The following BBS9 variants were observed in gnomAD, a reference collection of about 807,000 sequenced individuals.
The protein encoded by BBS9 is protein PTHB1.
BBS9 carries 89 observed loss-of-function variants against 117.7 expected under a neutral mutation model. The observed-to-expected ratio is 0.76, with a 90% CI of 0.64 to 0.90. BBS9 has a LOEUF of 0.90. BBS9 is among the 40% of genes least tolerant of loss of function. The pLI is 0.00. For missense variants in BBS9, 982 were observed against 1,042.2 expected (o/e 0.94, Z 0.80); for synonymous variants, 379 against 370.9 (o/e 1.02, Z -0.25).
At chr7:33,234,581 G>A (rs1793119555) in intron 5 of BBS9, among the ~76,000 whole-genome samples, 1 of 151,828 alleles carries the variant, frequency 6.6e-6, no homozygotes, top group Non-Finnish European at 1.5e-5. Flanking sequence ...ATCTTCAGAA[G>A]CTATTCATCT....
chr7:33,468,018 A>G (rs182728568), intron 19 of BBS9, among the ~76,000 whole-genome samples: 8 of 152,164 alleles, frequency 5.3e-5, no homozygotes, highest in African/African-American at 1.9e-4. Flanking sequence ...CCAGCCTGCC[A>G]TGTGCTCTGT....
At position 33,360,700 on chromosome 7, in the gene BBS9, T is replaced by C. The variant is rs113977030; in HGVS notation, c.1693+2705T>C. Among the ~76,000 whole-genome samples, 68 of 151,704 alleles carry C rather than the reference T, an allele frequency of 4.5e-4. 3 individuals are homozygous for C. The highest frequency in any genetic ancestry group is 1.6e-3 in the African/African-American group (65 of 41,096). ...CATGCCTAGCTAATTAAAAAAAAATTATTTTGTAGAGATAGGGTCCCACTG... is the reference window on the plus strand; with the variant it reads ...CATGCCTAGCTAATTAAAAAAAAATCATTTTGTAGAGATAGGGTCCCACTG... On this transcript the variant is annotated intron_variant, in intron 16 of 22. Coordinates refer to ENST00000242067, the MANE Select transcript of BBS9 (RefSeq NM_198428.3).
At chr7:33,583,733 C>T (rs780456345) in intron 21 of BBS9, among the ~76,000 whole-genome samples, 1 of 152,034 alleles carries the variant, frequency 6.6e-6, no homozygotes, top group African/African-American at 2.4e-5. Context: ...CCAAATGCTA[C>T]GAACATGGTT....
At chr7:33,266,746 T>C (rs966400389) in intron 7 of BBS9, among the ~76,000 whole-genome samples, 1 of 152,032 alleles carries the variant, frequency 6.6e-6, no homozygotes, top group South Asian at 2.1e-4. Context: ...TATATTTATT[T>C]ATTTATTTAT....
chr7:33,342,390 C>CT (rs571499672), intron 11 of BBS9, among the ~76,000 whole-genome samples: 83 of 152,000 alleles, frequency 5.5e-4, no homozygotes, highest in Non-Finnish European at 8.8e-4. Flanking sequence ...GTGGAAATGA[C>CT]TTTTTTTTCC....
At position 33,264,216 on chromosome 7, in the gene BBS9, C is replaced by T. The variant is rs565908536; in HGVS notation, c.618-74C>T. The T allele has an allele frequency of 1.3e-3, 988 of 785,618 alleles. 2 individuals are homozygous for T. Among genetic ancestry groups the T allele is most frequent in the Non-Finnish European group, 1.5e-3 (823 of 544,942 alleles). 48.7% of individuals were successfully genotyped at this position (785,618 alleles called of 1,614,324 possible). Reference sequence around the variant, plus strand: ...TATAAAGTTTATAGATTATTGTGTACTTTTAAAGTTTAAAATAATTTATAA... The same window carrying T: ...TATAAAGTTTATAGATTATTGTGTATTTTTAAAGTTTAAAATAATTTATAA... On this transcript the variant is annotated intron_variant, in intron 6 of 22. Transcript: ENST00000242067.
chr7:33,289,818 C>T (rs1803644725), intron 9 of BBS9, among the ~76,000 whole-genome samples: 1 of 152,060 alleles, frequency 6.6e-6, no homozygotes, highest in South Asian at 2.1e-4. Flanking sequence ...CCAAGGTGGG[C>T]AGATCACTAG....
rs781174906 is a variant in BBS9, at chr7:33,257,238, C to T, written c.445C>T (p.Arg149Ter). The T allele has an allele frequency of 5.6e-6, 9 of 1,604,708 alleles. No individual in the cohort carries two copies. Among genetic ancestry groups the T allele is most frequent in the Non-Finnish European group, 7.7e-6 (9 of 1,173,074 alleles). Residue 149 changes from arginine to a stop codon, truncating the protein, a stop_gained and splice_region_variant, in exon 6 of 23, where the codon CGA becomes TGA. Coordinates refer to ENST00000242067, the MANE Select transcript of BBS9 (RefSeq NM_198428.3). LOFTEE classifies it high-confidence loss of function. ...AATTTTCTCTAATTCTTCTTTAGGTCGAGATTTAATTTGCATCCAGTCTAT... is the reference window on the plus strand; with the variant it reads ...AATTTTCTCTAATTCTTCTTTAGGTTGAGATTTAATTTGCATCCAGTCTAT... The part of the protein sequence containing the change: ...TYGSFGGVKG[R>*]DLICIQSMDG...
At chr7:33,200,772 T>G (rs1785710125) in intron 5 of BBS9, among the ~76,000 whole-genome samples, 1 of 152,184 alleles carries the variant, frequency 6.6e-6, no homozygotes, top group African/African-American at 2.4e-5. Context: ...CTCTTTTGTT[T>G]TTCTTGGGCT....
chr7:33,586,472 T>C (rs1860913093), intron 21 of BBS9, among the ~76,000 whole-genome samples: 1 of 152,066 alleles, frequency 6.6e-6, no homozygotes, highest in African/African-American at 2.4e-5. Context: ...TCAGCCACTA[T>C]AAAGAGCAGT....
chr7:33,403,746 T>G (rs886191046), intron 19 of BBS9, among the ~76,000 whole-genome samples: 1 of 152,128 alleles, frequency 6.6e-6, no homozygotes, highest in Non-Finnish European at 1.5e-5. Context: ...TCCAAGTCTT[T>G]GCTATTGTGA....
chr7:33,415,977 G>T (rs533677857), intron 19 of BBS9, among the ~76,000 whole-genome samples: 1 of 151,970 alleles, frequency 6.6e-6, no homozygotes, highest in Non-Finnish European at 1.5e-5. Flanking sequence ...GGAACAACAG[G>T]TGCATCCCAC....
intron 19 of BBS9, among the ~76,000 whole-genome samples, chr7:33,438,179 C>CA: frequency 6.6e-6 from 1 of 152,096 alleles, no homozygotes; most frequent in East Asian, 1.9e-4. Context: ...ATACCATAAA[C>CA]AAAAATAAAT....
chr7:33,139,487 G>A (rs1231479226), intron 1 of BBS9, among the ~76,000 whole-genome samples: 2 of 150,212 alleles, frequency 1.3e-5, no homozygotes, highest in Non-Finnish European at 2.9e-5. Flanking sequence ...GGTTTTTAAG[G>A]CCATTTTCAT....
intron 5 of BBS9, among the ~76,000 whole-genome samples, chr7:33,202,862 T>A (rs10486524): frequency 6.6e-6 from 1 of 152,212 alleles, no homozygotes; most frequent in South Asian, 2.1e-4. Context: ...CATCCAAAAC[T>A]TAACTTACCT....
intron 5 of BBS9, among the ~76,000 whole-genome samples, chr7:33,188,080 ATGTGTGTGTGTGTGTG>A (rs145485929): frequency 2.7e-5 from 2 of 73,070 alleles, no homozygotes; most frequent in Non-Finnish European, 5.2e-5. Context: ...AGTTGAGTGA[ATGTGTGTGTGTGTGTG>A]TGTGTGTGTG....
chr7:33,352,148 T>G (rs1195824673), intron 14 of BBS9: 1 of 152,828 alleles, frequency 6.5e-6, no homozygotes, highest in Non-Finnish European at 1.5e-5. Context: ...TATGGATTAC[T>G]CCAACATTAG....
intron 19 of BBS9, among the ~76,000 whole-genome samples, chr7:33,409,414 G>A (rs138308132): frequency 2.0e-5 from 3 of 152,252 alleles, no homozygotes; most frequent in Admixed American, 2.0e-4. Flanking sequence ...TGAATAGGGA[G>A]TCTCTTCCCC....
At chr7:33,383,142 A>G (rs1263810279) in intron 17 of BBS9, among the ~76,000 whole-genome samples, 1 of 152,206 alleles carries the variant, frequency 6.6e-6, no homozygotes, top group Admixed American at 6.5e-5. Context: ...CAAGATTTAT[A>G]TTTAGAAAAG....
Sources: gnomAD v4.1 joint callset for allele counts (sites outside exome capture counted in the v4.1 genomes callset) on GRCh38, gnomAD v4.1.1 for gene constraint, MANE v1.5 for transcripts, NCBI Gene and HGNC (gene_info 2026-07-23, HGNC 2026-07-21) for gene names.